Variants in RBFOX1 observed in about 807,000 individuals in gnomAD.
The protein encoded by RBFOX1 is RNA binding protein fox-1 homolog 1.
RBFOX1 carries 8 observed loss-of-function variants against 57.7 expected under a neutral mutation model. The observed-to-expected ratio is 0.14, with a 90% CI of 0.08 to 0.25. RBFOX1 has a LOEUF of 0.25. Ranked by LOEUF, RBFOX1 falls within the 10% of genes least tolerant of loss-of-function variation. RBFOX1 has a pLI of 1.00. For missense variants in RBFOX1, 611 were observed against 548.5 expected (o/e 1.11, Z -1.14); for synonymous variants, 326 against 222.4 (o/e 1.47, Z -4.15).
intron 4 of RBFOX1, among the ~76,000 whole-genome samples, chr16:7,248,839 C>T (rs572908869): frequency 4.1e-4 from 63 of 152,210 alleles, no homozygotes; most frequent in African/African-American, 1.5e-3. Flanking sequence ...ATTTAGCTGT[C>T]ATCTATTTGT....
At chr16:5,936,141 T>A (rs979575429) in intron 4 of RBFOX1, among the ~76,000 whole-genome samples, 17 of 152,256 alleles carry the variant, frequency 1.1e-4, no homozygotes, top group African/African-American at 4.1e-4. Context: ...GTTGTTGTTT[T>A]GAGACAGAGT....
chr16:5,515,508 A>T (rs1183924430), intron 2 of RBFOX1, among the ~76,000 whole-genome samples: 1 of 152,206 alleles, frequency 6.6e-6, no homozygotes, highest in Non-Finnish European at 1.5e-5. Flanking sequence ...CCAGGCACTA[A>T]AATCAAATCA....
intron 1 of RBFOX1, among the ~76,000 whole-genome samples, chr16:6,074,719 G>C (rs1475641662): frequency 1.3e-5 from 2 of 152,186 alleles, no homozygotes; most frequent in Non-Finnish European, 2.9e-5. Context: ...CTGAGTAAAT[G>C]AACTAACAAG....
chr16:6,678,509 T>C (rs374423583), intron 3 of RBFOX1, among the ~76,000 whole-genome samples: 1 of 151,762 alleles, frequency 6.6e-6, no homozygotes, highest in African/African-American at 2.4e-5. Context: ...CTAGTGTGCA[T>C]TTTACACTTA....
intron 1 of RBFOX1, among the ~76,000 whole-genome samples, chr16:6,153,856 C>T (rs868861247): frequency 2.0e-5 from 3 of 152,154 alleles, no homozygotes; most frequent in Non-Finnish European, 4.4e-5. Flanking sequence ...TCTTAGGCTT[C>T]GCATTCTTGT....
At chr16:6,602,838 C>G (rs1377040073) in intron 2 of RBFOX1, among the ~76,000 whole-genome samples, 1 of 152,092 alleles carries the variant, frequency 6.6e-6, no homozygotes, top group Non-Finnish European at 1.5e-5. Context: ...AGCTCATGCC[C>G]CACACACCCC....
intron 4 of RBFOX1, among the ~76,000 whole-genome samples, chr16:7,416,722 A>T (rs1482341750): frequency 6.8e-6 from 1 of 148,026 alleles, no homozygotes; most frequent in Non-Finnish European, 1.5e-5. Context: ...AAGCGACTTT[A>T]GGGATGTTTT....
At chr16:7,229,735 A>G (rs2093373171) in intron 4 of RBFOX1, among the ~76,000 whole-genome samples, 2 of 117,652 alleles carry the variant, frequency 1.7e-5, no homozygotes, top group Non-Finnish European at 3.5e-5. Context: ...CAAGGGAGGG[A>G]GGGGGAAGAA....
chr16:5,666,266 G>A (rs893212741), intron 3 of RBFOX1, among the ~76,000 whole-genome samples: 2 of 152,218 alleles, frequency 1.3e-5, no homozygotes, highest in African/African-American at 4.8e-5. Context: ...ATGCATGATT[G>A]GAGCCTCATT....
At chr16:7,464,145 C>G (rs568631428) in intron 4 of RBFOX1, among the ~76,000 whole-genome samples, 3 of 152,262 alleles carry the variant, frequency 2.0e-5, no homozygotes, top group African/African-American at 7.2e-5. Flanking sequence ...CTCTGATTTC[C>G]TTAAGATAGG....
chr16:7,335,294 GGGAA>G (rs2096765566), intron 4 of RBFOX1, among the ~76,000 whole-genome samples: 1 of 152,060 alleles, frequency 6.6e-6, no homozygotes, highest in African/African-American at 2.4e-5. Flanking sequence ...ATTTCCTCTA[GGGAA>G]TTAAGGTTCT....
chr16:6,246,510 A>G (rs1012466844), intron 1 of RBFOX1, among the ~76,000 whole-genome samples: 1 of 152,090 alleles, frequency 6.6e-6, no homozygotes, highest in Non-Finnish European at 1.5e-5. Context: ...CCATCACCCA[A>G]ACTTTGAGGC....
rs949820329 is a variant in RBFOX1, at chr16:5,473,799, A to G, written c.258+6545A>G. Among the ~76,000 whole-genome samples the G allele has an allele frequency of 2.1e-5, 3 of 142,744 alleles. No homozygotes were observed. In the Admixed American group the frequency reaches 2.1e-4, roughly 10 times the overall value. 93.6% of individuals were successfully genotyped at this position (142,744 alleles called of 152,430 possible). On this transcript the variant is annotated intron_variant, in intron 2 of 2. Transcript: ENST00000585867. ...GGTAGATGGATAGATGAATTGAAAGAGGGAAGGTGGGTGGGTGGAAGGATA... is the reference window on the plus strand; with the variant it reads ...GGTAGATGGATAGATGAATTGAAAGGGGGAAGGTGGGTGGGTGGAAGGATA...
intron 6 of RBFOX1, among the ~76,000 whole-genome samples, chr16:7,586,698 C>G (rs1437478609): frequency 1.3e-5 from 2 of 152,114 alleles, no homozygotes; most frequent in African/African-American, 4.8e-5. Flanking sequence ...GAATTTCAGC[C>G]CAAGCACTGA....
chr16:5,597,260 C>G (rs5015129), intron 2 of RBFOX1, among the ~76,000 whole-genome samples: 27,610 of 140,378 alleles, frequency 0.2, 2,835 homozygotes, highest in Non-Finnish European at 0.21. Context: ...TTTCTCTGCA[C>G]CTCTCTGTCC....
In RBFOX1 at chr16:7,044,986, G is replaced by A. The variant is rs181990478; in HGVS notation, c.-15-7071G>A. Reference sequence around the variant, plus strand: ...CCCTGTTTGGGGTGCTGTTTGATGAGCAAGGTTGCAGCCGAAACACACAAC... The same window carrying A: ...CCCTGTTTGGGGTGCTGTTTGATGAACAAGGTTGCAGCCGAAACACACAAC... On this transcript the variant is annotated intron_variant, in intron 3 of 15. Coordinates refer to ENST00000550418, the MANE Select transcript of RBFOX1 (RefSeq NM_018723.4). Among the ~76,000 whole-genome samples the A allele has an allele frequency of 2.5e-3, 385 of 152,294 alleles. 1 individual carries two copies. Among genetic ancestry groups the A allele is most frequent in the African/African-American group, 8.1e-3 (337 of 41,560 alleles).
chr16:6,060,020 C>T (rs371133299), intron 1 of RBFOX1, among the ~76,000 whole-genome samples: 3 of 150,940 alleles, frequency 2.0e-5, no homozygotes, highest in Non-Finnish European at 4.4e-5. Flanking sequence ...TGATTGGATG[C>T]TGTTCTTTCC....
At chr16:6,553,075 G>T (rs2097022698) in intron 2 of RBFOX1, among the ~76,000 whole-genome samples, 1 of 152,190 alleles carries the variant, frequency 6.6e-6, no homozygotes. Flanking sequence ...GTTACAGCCA[G>T]AGTCTCAGTA....
rs138111803 is a variant in RBFOX1, at chr16:6,264,269, A to T, written c.-126-52726A>T. Among the ~76,000 whole-genome samples the T allele has an allele frequency of 4.0e-4, 61 of 152,272 alleles. 1 individual carries two copies. In the East Asian group the frequency reaches 0.012, roughly 29 times the overall value. On this transcript the variant is annotated intron_variant, in intron 1 of 15. Transcript: ENST00000550418. ...AAGGAGAAAAACTGAGGTCCAAGGA[A>T]GTATGCAACCGTTTCCATAACCATG... is the stretch of plus-strand genomic sequence containing the variant.
Sources: allele counts gnomAD v4.1 joint callset (sites outside exome capture counted in the v4.1 genomes callset), GRCh38; gene constraint gnomAD v4.1.1; transcripts MANE v1.5; gene names NCBI Gene and HGNC (gene_info 2026-07-23, HGNC 2026-07-21).